Variants in COLEC11 observed in about 807,000 individuals in gnomAD.
COLEC11 encodes collectin-11.
COLEC11 carries 20 observed loss-of-function variants against 27.3 expected under a neutral mutation model. The observed-to-expected ratio is 0.73, with a 90% confidence interval of 0.51 to 1.06. The LOEUF is 1.06. Ranked by LOEUF, COLEC11 falls within the 50% of genes least tolerant of loss-of-function variation. The pLI is 0.00. For synonymous variants in COLEC11, 163 were observed against 154.7 expected, an observed-to-expected ratio of 1.05 and a Z score of -0.40; for missense variants, 310 against 383.0, an observed-to-expected ratio of 0.81 and a Z score of 1.59.
intron 3 of COLEC11, among the ~76,000 whole-genome samples, chr2:3,621,028 CT>C (rs1379942437): frequency 6.6e-6 from 1 of 152,328 alleles, no homozygotes. Context: ...GGAATGTTCT[CT>C]GTTAGCTCCA....
intron 2 of COLEC11, among the ~76,000 whole-genome samples, chr2:3,609,358 T>TGA (rs1558492501): frequency 3.5e-5 from 3 of 85,380 alleles, no homozygotes; most frequent in African/African-American, 4.6e-5. Flanking sequence ...TTTGATTTTT[T>TGA]TTTTTTTTTT....
intron 3 of COLEC11, among the ~76,000 whole-genome samples, chr2:3,635,148 G>A (rs1287957804): frequency 5.1e-5 from 5 of 97,950 alleles, no homozygotes; most frequent in Admixed American, 1.0e-4. Context: ...AACGTGCCCC[G>A]TGACATCCCC....
chr2:3,605,674 G>T, intron 2 of COLEC11: 1 of 197,888 alleles, frequency 5.1e-6, no homozygotes, highest in Non-Finnish European at 1.0e-5. Flanking sequence ...GGTCCGCTTG[G>T]GCCTTCAGCT....
At chr2:3,629,707 C>A (rs116537242) in intron 3 of COLEC11, among the ~76,000 whole-genome samples, 1,899 of 152,010 alleles carry the variant, frequency 0.012, 25 homozygotes, top group African/African-American at 0.036. Flanking sequence ...TGTGAGTATG[C>A]CTTTGTCTAT....
intron 3 of COLEC11, among the ~76,000 whole-genome samples, chr2:3,636,356 G>A (rs1665416408): frequency 6.6e-6 from 1 of 152,228 alleles, no homozygotes; most frequent in Non-Finnish European, 1.5e-5. Context: ...TCGGGAGGCT[G>A]AGGCAGAAGA....
At chr2:3,612,090 T>C (rs1460407394) in intron 2 of COLEC11, among the ~76,000 whole-genome samples, 1 of 151,814 alleles carries the variant, frequency 6.6e-6, no homozygotes, top group East Asian at 2.0e-4. Flanking sequence ...AAGGTGCAAA[T>C]GGAGAGTTAT....
chr2:3,622,246 T>C (rs1051372561), intron 3 of COLEC11, among the ~76,000 whole-genome samples: 8 of 152,156 alleles, frequency 5.3e-5, no homozygotes, highest in African/African-American at 1.9e-4. Flanking sequence ...GAGGATTGTT[T>C]GAGCCCAGGA....
intron 1 of COLEC11, among the ~76,000 whole-genome samples, chr2:3,600,721 T>C (rs1662155436): frequency 6.6e-6 from 1 of 152,060 alleles, no homozygotes; most frequent in Non-Finnish European, 1.5e-5. Context: ...CAGTGTCTGC[T>C]GTGTGGTTAG....
chr2:3,620,130 AGGATT>A (rs1664076000), intron 3 of COLEC11, among the ~76,000 whole-genome samples: 1 of 152,190 alleles, frequency 6.6e-6, no homozygotes. Flanking sequence ...AGATTTTAGA[AGGATT>A]GGTATTAATT....
At chr2:3,631,453 A>C (rs1451194757) in intron 3 of COLEC11, among the ~76,000 whole-genome samples, 1 of 151,872 alleles carries the variant, frequency 6.6e-6, no homozygotes, top group East Asian at 1.9e-4. Flanking sequence ...CGGTGGAGGG[A>C]GTGTTTCTCC....
intron 1 of COLEC11, among the ~76,000 whole-genome samples, chr2:3,601,711 C>T (rs190100014): frequency 1.1e-4 from 17 of 152,332 alleles, no homozygotes; most frequent in African/African-American, 3.8e-4. Context: ...TCATCTTCGG[C>T]AAGTGAAGCT....
At chr2:3,617,644 G>A (rs553245914) in intron 3 of COLEC11, 10 of 1,612,004 alleles carry the variant, frequency 6.2e-6, no homozygotes, top group East Asian at 4.5e-5. Context: ...TCGACTTATC[G>A]AATTTCTCGA....
At chr2:3,598,066 A>G (rs1661978113) in intron 1 of COLEC11, among the ~76,000 whole-genome samples, 1 of 151,916 alleles carries the variant, frequency 6.6e-6, no homozygotes, top group South Asian at 2.1e-4. Flanking sequence ...CTCCCGAGTC[A>G]CTGGAATTCC....
intron 2 of COLEC11, among the ~76,000 whole-genome samples, chr2:3,608,853 G>A (rs953893146): frequency 1.3e-5 from 2 of 152,266 alleles, no homozygotes; most frequent in Admixed American, 6.5e-5. Context: ...CCTCAGTGCT[G>A]TTGGTCCTGA....
chr2:3,613,815 C>T (rs1041173374), intron 3 of COLEC11, among the ~76,000 whole-genome samples: 1 of 152,056 alleles, frequency 6.6e-6, no homozygotes, highest in Non-Finnish European at 1.5e-5. Context: ...GGGACTGTGC[C>T]GAGGCTCATG....
chr2:3,609,359 T>TGA (rs1409667448), intron 2 of COLEC11, among the ~76,000 whole-genome samples: 191 of 107,734 alleles, frequency 1.8e-3, no homozygotes, highest in African/African-American at 5.0e-3. Context: ...TTGATTTTTT[T>TGA]TTTTTTTTTT....
intron 2 of COLEC11, among the ~76,000 whole-genome samples, chr2:3,607,883 C>T (rs1013965309): frequency 9.9e-5 from 15 of 152,240 alleles, no homozygotes; most frequent in African/African-American, 3.4e-4. Context: ...TGCCGTCTCC[C>T]CTTGTGTAGA....
At chr2:3,643,112 C>G (rs779211609) in intron 5 of COLEC11, among the ~76,000 whole-genome samples, 13 of 152,248 alleles carry the variant, frequency 8.5e-5, no homozygotes, top group Non-Finnish European at 1.8e-4. Context: ...CTCAGATGTT[C>G]TAGCTTTTCT....
At position 3,643,894 on chromosome 2, in the gene COLEC11, C is replaced by T. The variant is rs1195935680; in HGVS notation, c.592C>T (p.Leu198=). The T allele has an allele frequency of 6.2e-7, 1 of 1,613,966 alleles. No homozygotes were observed. The highest frequency in any genetic ancestry group is 1.7e-5 in the Admixed American group (1 of 60,032). ...LMAAYLAQAG[L]ARVFIGINDL... Reference sequence around the variant, plus strand: ...GGCCGCATACCTGGCGCAAGCCGGCCTGGCCCGTGTCTTCATCGGCATCAA... The same window carrying T: ...GGCCGCATACCTGGCGCAAGCCGGCTTGGCCCGTGTCTTCATCGGCATCAA... The change falls in exon 7 of 7, where the codon CTG becomes TTG. Residue 198 remains leucine, a synonymous_variant. Coordinates refer to ENST00000349077, the MANE Select transcript of COLEC11 (RefSeq NM_024027.5).
Sources: gnomAD v4.1 joint callset for allele counts (sites outside exome capture counted in the v4.1 genomes callset) on GRCh38, gnomAD v4.1.1 for gene constraint, MANE v1.5 for transcripts, NCBI Gene and HGNC (gene_info 2026-07-23, HGNC 2026-07-21) for gene names.